TMEM132C: variants seen among roughly 807,000 people sequenced by gnomAD.
TMEM132C encodes the protein protein phosphatase 1, regulatory subunit 152.
In TMEM132C, 29 loss-of-function variants were observed where a neutral mutation model predicts 61.4. The observed-to-expected ratio is 0.47, with a 90% CI of 0.35 to 0.64. TMEM132C has a LOEUF of 0.64. Ranked by LOEUF, TMEM132C falls within the 30% of genes least tolerant of loss-of-function variation. TMEM132C has a pLI of 0.00. For synonymous variants in TMEM132C, 656 were observed against 633.1 expected, an observed-to-expected ratio of 1.04 and a Z score of -0.54; for missense variants, 1,408 against 1,476.9, an observed-to-expected ratio of 0.95 and a Z score of 0.76.
intron 1 of TMEM132C, among the ~76,000 whole-genome samples, chr12:128,311,402 G>A (rs1533349): frequency 0.86 from 131,471 of 152,222 alleles, 57,148 homozygotes; most frequent in South Asian, 0.95. Flanking sequence ...CCTTTTTCTC[G>A]TTGAGTGTAC....
chr12:128,587,456 C>G (rs1482829350), intron 3 of TMEM132C, among the ~76,000 whole-genome samples: 1 of 152,212 alleles, frequency 6.6e-6, no homozygotes, highest in East Asian at 1.9e-4. Flanking sequence ...ACCTAATCAC[C>G]TCGCTAAAAC....
intron 2 of TMEM132C, among the ~76,000 whole-genome samples, chr12:128,465,999 C>A (rs1870720591): frequency 1.3e-5 from 2 of 152,056 alleles, no homozygotes; most frequent in Non-Finnish European, 2.9e-5. Context: ...GTAAAGATAA[C>A]ATTGCATGAA....
In TMEM132C at chr12:128,415,834, G is replaced by A. The variant is rs188432088; in HGVS notation, c.974+214G>A. On this transcript the variant is annotated intron_variant, in intron 2 of 8. Transcript: ENST00000435159. The surrounding 1 kb of genome is among the most constrained non-coding windows in gnomAD (Gnocchi z 5.8). ...ATGGAGGGAAGAAGAGGCAAAGGGC[G>A]GGCAGAAATTATTTCCAAAAGGAGC... 1.7e-3 allele frequency among the ~76,000 whole-genome samples: 265 copies of A among 152,204 alleles called. No homozygotes were observed. The highest frequency in any genetic ancestry group is 1.7e-3 in the Non-Finnish European group (117 of 68,004).
At chr12:128,275,996 T>G (rs1486355569) in intron 1 of TMEM132C, among the ~76,000 whole-genome samples, 1 of 152,140 alleles carries the variant, frequency 6.6e-6, no homozygotes, top group African/African-American at 2.4e-5. Context: ...TCACATGGCC[T>G]CCCATTCTAA....
intron 5 of TMEM132C, 143 bp downstream of exon 5, chr12:128,669,703 A>G (rs1471874872): frequency 9.4e-7 from 1 of 1,064,964 alleles, no homozygotes; most frequent in East Asian, 2.7e-5. Flanking sequence ...GATCCACTCA[A>G]CGTGTCCATT....
At chr12:128,441,932 G>T (rs913141121) in intron 2 of TMEM132C, among the ~76,000 whole-genome samples, 14 of 152,138 alleles carry the variant, frequency 9.2e-5, no homozygotes, top group African/African-American at 2.4e-5. Context: ...AACCGGAGAG[G>T]CAGAGGTTGC....
intron 2 of TMEM132C, among the ~76,000 whole-genome samples, chr12:128,514,532 G>A (rs574004096): frequency 6.6e-6 from 1 of 151,952 alleles, no homozygotes; most frequent in Non-Finnish European, 1.5e-5. Context: ...CAGGCGGGGT[G>A]CGGGGGCGAC....
At chr12:128,301,238 G>T (rs1514900) in intron 1 of TMEM132C, among the ~76,000 whole-genome samples, 1 of 151,884 alleles carries the variant, frequency 6.6e-6, no homozygotes, top group South Asian at 2.1e-4. Context: ...AATAGACACA[G>T]AAATGCAGAG....
At chr12:128,644,875 C>T (rs987534380) in intron 4 of TMEM132C, among the ~76,000 whole-genome samples, 6 of 152,154 alleles carry the variant, frequency 3.9e-5, no homozygotes, top group Non-Finnish European at 8.8e-5. Context: ...AAGATGTTTG[C>T]TGGGACGCGT....
chr12:128,422,217 C>T (rs538264533), intron 2 of TMEM132C, among the ~76,000 whole-genome samples: 7 of 152,280 alleles, frequency 4.6e-5, no homozygotes, highest in South Asian at 4.1e-4. Flanking sequence ...GGATGACTTC[C>T]ACTGACTGCC....
chr12:128,702,885 G>A (rs1954813591), intron 8 of TMEM132C, among the ~76,000 whole-genome samples: 1 of 152,196 alleles, frequency 6.6e-6, no homozygotes, highest in Non-Finnish European at 1.5e-5. Context: ...GATGGATGGG[G>A]ACAAAGGTCC....
chr12:128,612,552 T>C (rs1311054178), intron 3 of TMEM132C, among the ~76,000 whole-genome samples: 1 of 152,206 alleles, frequency 6.6e-6, no homozygotes. Context: ...AAACACACTT[T>C]CTGGCTGCAG....
intron 2 of TMEM132C, among the ~76,000 whole-genome samples, chr12:128,489,676 C>G (rs1871643305): frequency 6.6e-6 from 1 of 151,504 alleles, no homozygotes; most frequent in Admixed American, 6.6e-5. Flanking sequence ...CTTTCCCACC[C>G]CACTCAGACT....
intron 2 of TMEM132C, among the ~76,000 whole-genome samples, chr12:128,458,648 A>C (rs1593060905): frequency 6.6e-6 from 1 of 152,280 alleles, no homozygotes; most frequent in East Asian, 1.9e-4. Flanking sequence ...ACCAGTAAGC[A>C]TTTAACAACC....
At chr12:128,605,906 T>C (rs1162356363) in intron 3 of TMEM132C, among the ~76,000 whole-genome samples, 1 of 152,214 alleles carries the variant, frequency 6.6e-6, no homozygotes, top group Non-Finnish European at 1.5e-5. Flanking sequence ...CCCTAGTTCC[T>C]TCTTCTCTGA....
At chr12:128,451,460 C>G (rs921618043) in intron 2 of TMEM132C, among the ~76,000 whole-genome samples, 1 of 152,128 alleles carries the variant, frequency 6.6e-6, no homozygotes, top group Non-Finnish European at 1.5e-5. Flanking sequence ...CCTGCTACCC[C>G]CGGCAGGAAA....
intron 1 of TMEM132C, among the ~76,000 whole-genome samples, chr12:128,296,358 C>A (rs74988429): frequency 6.6e-6 from 1 of 152,182 alleles, no homozygotes; most frequent in Non-Finnish European, 1.5e-5. Context: ...GCTTATTGCT[C>A]CCCTTAATGA....
At chr12:128,703,680 G>A (rs1348285271) in intron 8 of TMEM132C, among the ~76,000 whole-genome samples, 2 of 152,146 alleles carry the variant, frequency 1.3e-5, no homozygotes, top group South Asian at 2.1e-4. Flanking sequence ...TTGTGTCTTC[G>A]CTATTGTGAC....
At chr12:128,614,866 A>G (rs1303803139) in intron 3 of TMEM132C, among the ~76,000 whole-genome samples, 2 of 152,238 alleles carry the variant, frequency 1.3e-5, no homozygotes, top group Non-Finnish European at 2.9e-5. Context: ...CAGGGCAGCC[A>G]GTGATAACAC....
Sources: allele counts gnomAD v4.1 joint callset (sites outside exome capture counted in the v4.1 genomes callset), GRCh38; gene constraint gnomAD v4.1.1; non-coding constraint Gnocchi (gnomAD v3.1); transcripts MANE v1.5; gene names NCBI Gene and HGNC (gene_info 2026-07-23, HGNC 2026-07-21).